Variants in KPNA5 observed in about 807,000 individuals in gnomAD.
KPNA5 encodes karyopherin subunit alpha 5, also known as importin subunit alpha-6.
Under a neutral mutation model 71.3 loss-of-function variants are expected in KPNA5, and 46 were observed. That is an observed-to-expected ratio of 0.65 (90% CI 0.51 to 0.83). The LOEUF (loss-of-function observed/expected upper bound fraction) is 0.83. KPNA5 is among the 40% of genes least tolerant of loss of function. The probability of loss-of-function intolerance (pLI) is 0.00; values close to 1 mark genes in which losing one functional copy is unlikely to be tolerated. For missense variants in KPNA5, 547 were observed against 628.3 expected (o/e 0.87, Z 1.38); for synonymous variants, 207 against 201.4 (o/e 1.03, Z -0.24).
intron 1 of KPNA5, among the ~76,000 whole-genome samples, chr6:116,686,394 G>T (rs1777590620): frequency 6.6e-6 from 1 of 152,084 alleles, no homozygotes; most frequent in Admixed American, 6.6e-5. Context: ...TTTTAATGGG[G>T]TTGTTTGTAT....
intron 7 of KPNA5, among the ~76,000 whole-genome samples, chr6:116,706,352 C>T (rs1778436101): frequency 6.6e-6 from 1 of 152,112 alleles, no homozygotes; most frequent in Admixed American, 6.6e-5. Flanking sequence ...AAAAATAAAA[C>T]AAAGGAAGAA....
chr6:116,712,096 C>T (rs1050766303), intron 7 of KPNA5, among the ~76,000 whole-genome samples: 2 of 152,152 alleles, frequency 1.3e-5, no homozygotes, highest in African/African-American at 4.8e-5. Context: ...CACGTGCCAC[C>T]ATGCCTAGCT....
At chr6:116,703,452 G>A (rs759090789) in intron 6 of KPNA5, among the ~76,000 whole-genome samples, 15 of 151,732 alleles carry the variant, frequency 9.9e-5, no homozygotes, top group Non-Finnish European at 1.8e-4. Context: ...TAATAGAGAT[G>A]GTGTTTCACC....
At position 116,733,666 on chromosome 6, in the gene KPNA5, A is replaced by G. The variant is rs1779573261; in HGVS notation, c.*1343A>G. 6.6e-6 allele frequency: 1 copy of G among 151,548 alleles called. No individual in the cohort carries two copies. The highest frequency in any genetic ancestry group is 1.5e-5 in the Non-Finnish European group (1 of 67,664). 9.4% of individuals were successfully genotyped at this position (151,548 alleles called of 1,614,324 possible). A position where few individuals can be genotyped will look rare whatever the true frequency, so the allele number is the denominator to read the frequency against. On this transcript the variant is annotated 3_prime_UTR_variant, in exon 14 of 14. Coordinates refer to ENST00000368564, the MANE Select transcript of KPNA5 (RefSeq NM_001366306.2). ...ACTGTTGAACTCAATCTTTTAATTT[A>G]TAGTTATACGTAGGCTATTTATGTG...
At position 116,729,618 on chromosome 6, in the gene KPNA5, G is replaced by A; in HGVS notation, c.1309G>A (p.Asp437Asn). The change falls in exon 13 of 14, where the codon GAC becomes AAC. Residue 437 changes from aspartate to asparagine, a missense_variant. Physicochemically the swap from Asp to Asn is conservative, Grantham distance 23 (BLOSUM62 1). Transcript: ENST00000368564. ...KPLCDLLTVM[D>N]SKIVQVALNG... Reference sequence around the variant, plus strand: ...ACTTTGTGATCTTTTGACTGTTATGGACTCCAAAATAGTCCAAGTGGCTTT... The same window carrying A: ...ACTTTGTGATCTTTTGACTGTTATGAACTCCAAAATAGTCCAAGTGGCTTT... 6.2e-7 allele frequency: 1 copy of A among 1,606,108 alleles called. No individual in the cohort carries two copies. The highest frequency in any genetic ancestry group is 1.3e-5 in the African/African-American group (1 of 74,652).
intron 4 of KPNA5, among the ~76,000 whole-genome samples, chr6:116,693,702 T>C (rs1173893600): frequency 6.6e-6 from 1 of 152,184 alleles, no homozygotes; most frequent in African/African-American, 2.4e-5. Context: ...TTCACTCTGA[T>C]GGTCGTTTCT....
chr6:116,725,565 T>C (rs1779260103), intron 10 of KPNA5, among the ~76,000 whole-genome samples, 186 bp from the exon 11 acceptor site: 1 of 152,202 alleles, frequency 6.6e-6, no homozygotes, highest in Non-Finnish European at 1.5e-5. Context: ...TTCCTTATAG[T>C]GGCAGGAGAC....
chr6:116,711,079 A>C (rs1778657849), intron 7 of KPNA5, among the ~76,000 whole-genome samples: 1 of 150,902 alleles, frequency 6.6e-6, no homozygotes, highest in African/African-American at 2.4e-5. Context: ...ATTTTTGTAG[A>C]GACATGGTTT....
chr6:116,687,749 C>G (rs1777646478), intron 1 of KPNA5, among the ~76,000 whole-genome samples: 1 of 152,120 alleles, frequency 6.6e-6, no homozygotes, highest in African/African-American at 2.4e-5. Context: ...ATTCATTTGG[C>G]CTCTAATTTT....
intron 7 of KPNA5, among the ~76,000 whole-genome samples, chr6:116,705,726 A>G (rs1040708072): frequency 1.3e-5 from 2 of 152,184 alleles, no homozygotes; most frequent in African/African-American, 4.8e-5. Flanking sequence ...GATTAAGAGG[A>G]TCTTTATGTA....
chr6:116,716,649 A>G (rs144087141), intron 8 of KPNA5, among the ~76,000 whole-genome samples: 50 of 152,250 alleles, frequency 3.3e-4, no homozygotes, highest in African/African-American at 1.2e-3. Context: ...TATGTTCACC[A>G]TTTGTACTTT....
chr6:116,722,117 C>G lies in KPNA5; in HGVS notation c.757-9C>G. On this transcript the variant is annotated splice_polypyrimidine_tract_variant and intron_variant, in intron 8 of 13. Coordinates refer to ENST00000368564, the MANE Select transcript of KPNA5 (RefSeq NM_001366306.2). Reference sequence around the variant, plus strand: ...AAAAAATTTAAATATGCTCTTTCTTCCCTTACAGGTTTCACCTTGCTTAAA... The same window carrying G: ...AAAAAATTTAAATATGCTCTTTCTTGCCTTACAGGTTTCACCTTGCTTAAA... 1.3e-6 allele frequency: 2 copies of G among 1,523,608 alleles called. No individual in the cohort carries two copies. Among genetic ancestry groups the G allele is most frequent in the South Asian group, 1.4e-5 (1 of 70,076 alleles). The allele number at this position is 1,523,608 out of a possible 1,614,324, so 94.4% of individuals were successfully genotyped here. A position where few individuals can be genotyped will look rare whatever the true frequency, so the allele number is the denominator to read the frequency against.
At chr6:116,730,549 T>G (rs1183976306) in intron 13 of KPNA5, among the ~76,000 whole-genome samples, 1 of 152,176 alleles carries the variant, frequency 6.6e-6, no homozygotes, top group Non-Finnish European at 1.5e-5. Context: ...TATCTGGGGA[T>G]AAATTTTCAG....
chr6:116,703,890 A>G (rs980623031), intron 6 of KPNA5, among the ~76,000 whole-genome samples: 1 of 152,250 alleles, frequency 6.6e-6, no homozygotes, highest in South Asian at 2.1e-4. Flanking sequence ...TTGAAATTTA[A>G]TAAATGAATA....
chr6:116,685,801 C>G (rs1033378297), intron 1 of KPNA5, among the ~76,000 whole-genome samples: 2 of 152,118 alleles, frequency 1.3e-5, no homozygotes, highest in Non-Finnish European at 2.9e-5. Context: ...GGATATACAC[C>G]CAGTAATGGA....
intron 4 of KPNA5, among the ~76,000 whole-genome samples, chr6:116,695,913 T>C (rs1410659094): frequency 6.6e-6 from 1 of 152,188 alleles, no homozygotes; most frequent in African/African-American, 2.4e-5. Context: ...TTTTGTACCA[T>C]TTCCTCATTA....
chr6:116,699,230 T>C (rs2114402523), intron 5 of KPNA5, among the ~76,000 whole-genome samples: 1 of 152,198 alleles, frequency 6.6e-6, no homozygotes, highest in Non-Finnish European at 1.5e-5. Context: ...CTAGTAGAAA[T>C]GTGACCAGAG....
intron 4 of KPNA5, among the ~76,000 whole-genome samples, chr6:116,698,465 T>C (rs550289935): frequency 3.9e-4 from 59 of 152,140 alleles, no homozygotes; most frequent in Admixed American, 2.1e-3. Flanking sequence ...TTTAAATGTT[T>C]ATGTAGGAAA....
At chr6:116,720,592 C>G (rs1404644266) in intron 8 of KPNA5, among the ~76,000 whole-genome samples, 1 of 152,166 alleles carries the variant, frequency 6.6e-6, no homozygotes, top group Non-Finnish European at 1.5e-5. Flanking sequence ...CGGCTCATGC[C>G]TGTTATTCCA....
Sources: allele counts gnomAD v4.1 joint callset (sites outside exome capture counted in the v4.1 genomes callset), GRCh38; gene constraint gnomAD v4.1.1; transcripts MANE v1.5; gene names NCBI Gene and HGNC (gene_info 2026-07-23, HGNC 2026-07-21).